Variants in RAB28 observed in about 807,000 individuals in gnomAD.
RAB28 encodes RAB28, member RAS oncogene family, also known as ras-related protein Rab-28.
In RAB28, 24 loss-of-function variants were observed where a neutral mutation model predicts 31.7. That is an observed-to-expected ratio of 0.76 (90% CI 0.55 to 1.06). RAB28 has a LOEUF of 1.06. Among genes scored for constraint, RAB28 ranks in the 50% least tolerant of loss-of-function variants. The pLI is 0.00. For missense variants in RAB28, 254 were observed against 258.5 expected, an observed-to-expected ratio of 0.98 and a Z score of 0.12; for synonymous variants, 100 against 90.4, an observed-to-expected ratio of 1.11 and a Z score of -0.60.
chr4:13,383,065 TA>T (rs1427793724), intron 4 of RAB28, among the ~76,000 whole-genome samples: 3 of 152,130 alleles, frequency 2.0e-5, no homozygotes, highest in Non-Finnish European at 2.9e-5. Flanking sequence ...TAAACATCAC[TA>T]TCTCCTTATT....
intron 4 of RAB28, among the ~76,000 whole-genome samples, chr4:13,441,090 G>A (rs560919981): frequency 1.1e-4 from 17 of 152,248 alleles, no homozygotes; most frequent in African/African-American, 3.4e-4. Context: ...TAAATTAGAT[G>A]TTGTCTTTCT....
At chr4:13,410,539 T>A (rs968309209) in intron 4 of RAB28, among the ~76,000 whole-genome samples, 1 of 149,052 alleles carries the variant, frequency 6.7e-6, no homozygotes, top group African/African-American at 2.4e-5. Flanking sequence ...TGCAAAAAAA[T>A]AAATAAATAA....
At chr4:13,446,909 A>AT (rs1443713667) in intron 4 of RAB28, among the ~76,000 whole-genome samples, 1 of 152,056 alleles carries the variant, frequency 6.6e-6, no homozygotes, top group East Asian at 1.9e-4. Context: ...CACACTTAAC[A>AT]TATCTAAAAC....
intron 4 of RAB28, among the ~76,000 whole-genome samples, chr4:13,428,672 T>C (rs1713644857): frequency 6.6e-6 from 1 of 152,050 alleles, no homozygotes. Flanking sequence ...CTCAAAAAAC[T>C]GTGGGAGAGC....
At chr4:13,458,173 C>G (rs1446557440) in intron 4 of RAB28, among the ~76,000 whole-genome samples, 2 of 152,112 alleles carry the variant, frequency 1.3e-5, no homozygotes, top group Non-Finnish European at 2.9e-5. Context: ...AAAAAGCAAA[C>G]TACAATTTCT....
At chr4:13,450,823 T>C (rs115594885) in intron 4 of RAB28, among the ~76,000 whole-genome samples, 51 of 151,752 alleles carry the variant, frequency 3.4e-4, no homozygotes, top group African/African-American at 9.9e-4. Context: ...ATTTCAAGCA[T>C]AGGAAATTCT....
At chr4:13,424,108 GA>G (rs992849570) in intron 4 of RAB28, among the ~76,000 whole-genome samples, 2 of 152,118 alleles carry the variant, frequency 1.3e-5, no homozygotes, top group African/African-American at 4.8e-5. Flanking sequence ...ATGAAAAAAC[GA>G]AAAGTTTTTT....
intron 4 of RAB28, among the ~76,000 whole-genome samples, chr4:13,416,089 G>C (rs539357892): frequency 2.0e-5 from 3 of 152,204 alleles, no homozygotes; most frequent in Non-Finnish European, 4.4e-5. Flanking sequence ...AAACAGACTC[G>C]GCTCTCTGTA....
intron 4 of RAB28, among the ~76,000 whole-genome samples, chr4:13,403,385 A>G (rs1409055937): frequency 1.3e-5 from 2 of 152,186 alleles, no homozygotes; most frequent in African/African-American, 4.8e-5. Flanking sequence ...AAAAACCTTT[A>G]GTGGCTTTCT....
chr4:13,432,319 C>T (rs1177950244), intron 4 of RAB28, among the ~76,000 whole-genome samples: 2 of 152,000 alleles, frequency 1.3e-5, no homozygotes, highest in African/African-American at 4.8e-5. Flanking sequence ...GACAAACTGG[C>T]ATTCCTGAGA....
chr4:13,439,805 T>G (rs1714320335), intron 4 of RAB28, among the ~76,000 whole-genome samples: 1 of 152,218 alleles, frequency 6.6e-6, no homozygotes, highest in South Asian at 2.1e-4. Flanking sequence ...TGCTGGGGTT[T>G]GGGCTTCTGT....
At chr4:13,405,254 T>C (rs1712009781) in intron 4 of RAB28, among the ~76,000 whole-genome samples, 1 of 152,162 alleles carries the variant, frequency 6.6e-6, no homozygotes, top group Non-Finnish European at 1.5e-5. Flanking sequence ...ATTTTAACTT[T>C]GAAACACATA....
At chr4:13,459,042 G>A (rs1249182946) in intron 4 of RAB28, among the ~76,000 whole-genome samples, 3 of 152,204 alleles carry the variant, frequency 2.0e-5, no homozygotes, top group Non-Finnish European at 4.4e-5. Flanking sequence ...TCAACTGCCA[G>A]TATGGCTAGA....
chr4:13,484,282 G>A lies in RAB28; in HGVS notation c.-132C>T. 1.5e-6 allele frequency: 1 copy of A among 683,136 alleles called. No homozygotes were observed. The highest frequency in any genetic ancestry group is 2.8e-5 in the East Asian group (1 of 36,192). 42.3% of individuals were successfully genotyped at this position (683,136 alleles called of 1,614,324 possible). ...CGCCCCGGTGTCTCCGCGCCGGCAG[G>A]AGGTATTCGAGGAGAATCACTCGGC... On this transcript the variant is annotated 5_prime_UTR_variant, in exon 1 of 7. Coordinates refer to ENST00000330852, the MANE Select transcript of RAB28 (RefSeq NM_001017979.3).
intron 4 of RAB28, among the ~76,000 whole-genome samples, chr4:13,415,314 A>G (rs945961830): frequency 1.3e-5 from 2 of 152,164 alleles, no homozygotes; most frequent in African/African-American, 4.8e-5. Flanking sequence ...CACTTGAGGA[A>G]GTGCCCGCCG....
intron 6 of RAB28, chr4:13,370,388 A>G: frequency 1.1e-6 from 1 of 894,782 alleles, no homozygotes; most frequent in Non-Finnish European, 1.3e-6. Context: ...AACAAGCTTT[A>G]CTGAAGATAT....
intron 4 of RAB28, among the ~76,000 whole-genome samples, chr4:13,385,973 A>C (rs1283936838): frequency 1.3e-5 from 2 of 152,138 alleles, no homozygotes; most frequent in Non-Finnish European, 2.9e-5. Context: ...TTTATGGATG[A>C]GACCTCAAAA....
At chr4:13,427,891 G>A (rs972108697) in intron 4 of RAB28, among the ~76,000 whole-genome samples, 1 of 152,172 alleles carries the variant, frequency 6.6e-6, no homozygotes, top group Non-Finnish European at 1.5e-5. Flanking sequence ...GTTAAAGAAC[G>A]AAGTGCTTTA....
At chr4:13,393,613 G>A (rs551019545) in intron 4 of RAB28, among the ~76,000 whole-genome samples, 110 of 151,940 alleles carry the variant, frequency 7.2e-4, no homozygotes, top group African/African-American at 2.4e-3. Context: ...CTATTCAAAA[G>A]AAAATTTTAA....
Sources: gnomAD v4.1 joint callset for allele counts (sites outside exome capture counted in the v4.1 genomes callset) on GRCh38, gnomAD v4.1.1 for gene constraint, MANE v1.5 for transcripts, NCBI Gene and HGNC (gene_info 2026-07-23, HGNC 2026-07-21) for gene names.